The following MARCHF1 variants were observed in gnomAD, a reference collection of about 807,000 sequenced individuals.
MARCHF1 encodes membrane associated ring-CH-type finger 1.
MARCHF1 carries 40 observed loss-of-function variants against 54.2 expected under a neutral mutation model. That is an observed-to-expected ratio of 0.74 (90% CI 0.57 to 0.96). The LOEUF is 0.96. Among genes scored for constraint, MARCHF1 ranks in the 40% least tolerant of loss-of-function variants. The pLI, the probability that MARCHF1 is intolerant of heterozygous loss-of-function variation, is 0.00. For missense variants in MARCHF1, 586 were observed against 656.5 expected (o/e 0.89, Z 1.17); for synonymous variants, 236 against 236.3 (o/e 1.00, Z 0.01).
intron 1 of MARCHF1, among the ~76,000 whole-genome samples, chr4:164,354,832 T>C (rs1160181331): frequency 2.4e-4 from 26 of 106,318 alleles, no homozygotes; most frequent in Non-Finnish European, 3.8e-4. Context: ...TTGTCCCTGT[T>C]TGCAGACGAC....
intron 1 of MARCHF1, among the ~76,000 whole-genome samples, chr4:164,378,203 A>G (rs1443839101): frequency 6.6e-6 from 1 of 152,240 alleles, no homozygotes; most frequent in Non-Finnish European, 1.5e-5. Context: ...CTGGAAAGAC[A>G]GTGAGAGACT....
intron 1 of MARCHF1, among the ~76,000 whole-genome samples, chr4:164,321,383 T>C (rs1206934588): frequency 1.3e-5 from 2 of 151,886 alleles, no homozygotes; most frequent in Non-Finnish European, 2.9e-5. Flanking sequence ...CCTCCTATAG[T>C]AGATTGAAAA....
At chr4:163,602,619 G>A (rs1256374615) in intron 7 of MARCHF1, among the ~76,000 whole-genome samples, 2 of 152,068 alleles carry the variant, frequency 1.3e-5, no homozygotes, top group Non-Finnish European at 2.9e-5. Context: ...GTTCTGACAA[G>A]ACTTAGCAAA....
At chr4:163,974,520 C>A (rs191690347) in intron 3 of MARCHF1, among the ~76,000 whole-genome samples, 1 of 152,102 alleles carries the variant, frequency 6.6e-6, no homozygotes, top group Non-Finnish European at 1.5e-5. Flanking sequence ...AGCTGAAGCC[C>A]AGGAATCATG....
intron 4 of MARCHF1, among the ~76,000 whole-genome samples, chr4:163,716,032 G>A (rs532743430): frequency 2.0e-5 from 3 of 152,088 alleles, no homozygotes; most frequent in Admixed American, 1.3e-4. Context: ...ATCAAAATAC[G>A]GGTGATCCAA....
rs543431978 is a variant in MARCHF1, at chr4:163,793,625, T to C, written c.111+60396A>G. On this transcript the variant is annotated intron_variant, in intron 4 of 9. Coordinates refer to ENST00000514618, the MANE Select transcript of MARCHF1 (RefSeq NM_001394959.1). ...AGAAGTAAAAACTAAGAGGCAGAAA[T>C]GAAATCCACAAGCAGACAGCCCGGC... is the stretch of plus-strand genomic sequence containing the variant. Among the ~76,000 whole-genome samples, 469 of 152,106 alleles carry C rather than the reference T, an allele frequency of 3.1e-3. 3 individuals carry two copies. Among genetic ancestry groups the C allele is most frequent in the South Asian group, 9.6e-3 (46 of 4,812 alleles).
intron 2 of MARCHF1, among the ~76,000 whole-genome samples, chr4:164,034,139 A>G (rs1753945243): frequency 6.6e-6 from 1 of 152,128 alleles, no homozygotes; most frequent in South Asian, 2.1e-4. Flanking sequence ...ATACCATGGA[A>G]TACTATGCAG....
chr4:163,757,301 C>T (rs1368815065), intron 4 of MARCHF1, among the ~76,000 whole-genome samples: 1 of 152,158 alleles, frequency 6.6e-6, no homozygotes, highest in African/African-American at 2.4e-5. Flanking sequence ...ACTTGAAGAA[C>T]CGTGAAACTA....
chr4:163,622,322 G>C (rs977187313), intron 5 of MARCHF1, among the ~76,000 whole-genome samples: 4 of 152,000 alleles, frequency 2.6e-5, no homozygotes, highest in African/African-American at 9.7e-5. Context: ...GAAAAACCTG[G>C]AGGGCAGAAC....
chr4:163,660,148 C>T (rs2111096895), intron 5 of MARCHF1, among the ~76,000 whole-genome samples: 1 of 152,098 alleles, frequency 6.6e-6, no homozygotes, highest in African/African-American at 2.4e-5. Flanking sequence ...GACTTGGAAC[C>T]AACCCAAATG....
At chr4:163,718,552 T>G (rs535349380) in intron 4 of MARCHF1, among the ~76,000 whole-genome samples, 1 of 152,346 alleles carries the variant, frequency 6.6e-6, no homozygotes, top group South Asian at 2.1e-4. Flanking sequence ...TATTCTGATG[T>G]AGAAAGGCAA....
rs563924454 is a variant in MARCHF1, at chr4:164,350,066, T to C, written c.-323+33804A>G. On this transcript the variant is annotated intron_variant, in intron 1 of 9. Transcript: ENST00000514618. ...ATTAAATTGCAATGTTCACAATGCA[T>C]GTAAAACATATTCAAGTGAATAAGA... 9.2e-5 allele frequency among the ~76,000 whole-genome samples: 14 copies of C among 152,328 alleles called. No individual in the cohort carries two copies. In the South Asian group the frequency reaches 2.3e-3, roughly 25 times the overall value.
chr4:164,322,748 T>A (rs1165578434), intron 1 of MARCHF1, among the ~76,000 whole-genome samples: 1 of 151,826 alleles, frequency 6.6e-6, no homozygotes. Context: ...CACAAAAGGA[T>A]TAGCAAAGCA....
At chr4:163,825,986 C>T (rs1325945735) in intron 4 of MARCHF1, among the ~76,000 whole-genome samples, 3 of 151,986 alleles carry the variant, frequency 2.0e-5, no homozygotes, top group Non-Finnish European at 4.4e-5. Flanking sequence ...TGTCATACAA[C>T]ATGAGTAAAA....
intron 4 of MARCHF1, among the ~76,000 whole-genome samples, chr4:163,734,928 T>C (rs1745988496): frequency 6.6e-6 from 1 of 152,158 alleles, no homozygotes; most frequent in Admixed American, 6.6e-5. Flanking sequence ...TAGAAGAACA[T>C]TTAATGTTCC....
intron 2 of MARCHF1, among the ~76,000 whole-genome samples, chr4:163,994,154 A>C (rs1753018865): frequency 1.3e-5 from 2 of 152,024 alleles, no homozygotes; most frequent in Non-Finnish European, 1.5e-5. Flanking sequence ...CAGTCATCCC[A>C]AAAGAGGGAA....
chr4:164,338,386 C>T (rs1249631956), intron 1 of MARCHF1, among the ~76,000 whole-genome samples: 1 of 151,840 alleles, frequency 6.6e-6, no homozygotes, highest in Non-Finnish European at 1.5e-5. Context: ...GTAACTCAAC[C>T]ATAAAAATAA....
At chr4:164,194,874 T>G (rs955656068) in intron 1 of MARCHF1, among the ~76,000 whole-genome samples, 3 of 152,072 alleles carry the variant, frequency 2.0e-5, no homozygotes, top group Non-Finnish European at 4.4e-5. Context: ...ATATGTGCCA[T>G]GGAGGTTTGC....
At chr4:164,337,674 T>G (rs1259923630) in intron 1 of MARCHF1, among the ~76,000 whole-genome samples, 5 of 152,200 alleles carry the variant, frequency 3.3e-5, no homozygotes, top group Admixed American at 3.3e-4. Flanking sequence ...TCCACACACC[T>G]TACACCCCTA....
Sources: gnomAD v4.1 joint callset for allele counts (sites outside exome capture counted in the v4.1 genomes callset) on GRCh38, gnomAD v4.1.1 for gene constraint, MANE v1.5 for transcripts, NCBI Gene and HGNC (gene_info 2026-07-23, HGNC 2026-07-21) for gene names.